ACYP2: variants seen among roughly 807,000 people sequenced by gnomAD.
The protein encoded by ACYP2 is acylphosphatase 2.
In ACYP2, 12 loss-of-function variants were observed where a neutral mutation model predicts 11.2. That is an observed-to-expected ratio of 1.08 (90% CI 0.69 to 1.74). The LOEUF (loss-of-function observed/expected upper bound fraction) is 1.74. ACYP2 is among the 40% of genes most tolerant of loss of function. The probability of loss-of-function intolerance (pLI) is 0.00; values close to 1 mark genes in which losing one functional copy is unlikely to be tolerated. For missense variants in ACYP2, 134 were observed against 101.9 expected (o/e 1.31, Z -1.35); for synonymous variants, 43 against 32.2 (o/e 1.33, Z -1.13).
At chr2:53,988,562 G>A (rs898895119) in intron 2 of ACYP2, among the ~76,000 whole-genome samples, 4 of 151,798 alleles carry the variant, frequency 2.6e-5, no homozygotes, top group African/African-American at 9.7e-5. Context: ...CACCATGCCT[G>A]GCTATATATA....
At chr2:54,043,322 G>A (rs1675346229) in intron 2 of ACYP2, among the ~76,000 whole-genome samples, 1 of 152,104 alleles carries the variant, frequency 6.6e-6, no homozygotes, top group Non-Finnish European at 1.5e-5. Flanking sequence ...CTCAACAGGG[G>A]CAGGACCACT....
intron 4 of ACYP2, among the ~76,000 whole-genome samples, chr2:54,072,778 G>C (rs1341971533): frequency 6.6e-6 from 1 of 151,924 alleles, no homozygotes; most frequent in Non-Finnish European, 1.5e-5. Flanking sequence ...GGCCAGGCTG[G>C]TCTTGAACTC....
chr2:54,271,820 G>C (rs1688318406), intron 6 of ACYP2, among the ~76,000 whole-genome samples: 1 of 152,014 alleles, frequency 6.6e-6, no homozygotes. Context: ...CCTAATTATA[G>C]TGAATTCACT....
intron 4 of ACYP2, among the ~76,000 whole-genome samples, chr2:54,105,808 A>G (rs568010300): frequency 6.6e-6 from 1 of 152,176 alleles, no homozygotes; most frequent in South Asian, 2.1e-4. Context: ...TTAATAAATA[A>G]AACATCACCT....
intron 6 of ACYP2, among the ~76,000 whole-genome samples, chr2:54,201,614 T>TTTC (rs1558608559): frequency 0.032 from 2,761 of 85,580 alleles, 96 homozygotes; most frequent in South Asian, 0.079. Flanking sequence ...CTTTCTTTCT[T>TTTC]TCTTTCTTTG....
chr2:53,997,454 C>T (rs369393464), intron 2 of ACYP2, among the ~76,000 whole-genome samples: 88 of 152,208 alleles, frequency 5.8e-4, no homozygotes, highest in African/African-American at 2.0e-3. Flanking sequence ...TATAGGCATG[C>T]ACCACCAAGC....
At chr2:54,048,534 G>A (rs1675648963) in intron 2 of ACYP2, among the ~76,000 whole-genome samples, 2 of 152,130 alleles carry the variant, frequency 1.3e-5, no homozygotes, top group South Asian at 4.1e-4. Flanking sequence ...AGAGATGACA[G>A]TCTTGCTCTG....
intron 6 of ACYP2, among the ~76,000 whole-genome samples, chr2:54,291,780 A>G (rs1485627051): frequency 6.6e-6 from 1 of 152,186 alleles, no homozygotes; most frequent in Non-Finnish European, 1.5e-5. Flanking sequence ...ATTCATAAAT[A>G]CAGTATTTTT....
chr2:53,981,102 A>G (rs1307753322), intron 2 of ACYP2, among the ~76,000 whole-genome samples: 1 of 152,064 alleles, frequency 6.6e-6, no homozygotes, highest in Non-Finnish European at 1.5e-5. Flanking sequence ...CACCTCTTCT[A>G]TGTTTAGATA....
intron 4 of ACYP2, among the ~76,000 whole-genome samples, chr2:54,071,145 A>G (rs1039494130): frequency 1.3e-5 from 2 of 152,200 alleles, no homozygotes; most frequent in African/African-American, 2.4e-5. Context: ...CTCAACTTAG[A>G]GAAAAACATC....
chr2:53,990,890 G>A (rs1191281033), intron 2 of ACYP2, among the ~76,000 whole-genome samples: 1 of 151,672 alleles, frequency 6.6e-6, no homozygotes, highest in Non-Finnish European at 1.5e-5. Flanking sequence ...TCCGCTTCCT[G>A]GGTTCACGCC....
At chr2:54,220,412 A>C (rs987475489) in intron 6 of ACYP2, among the ~76,000 whole-genome samples, 2 of 152,204 alleles carry the variant, frequency 1.3e-5, no homozygotes, top group Non-Finnish European at 2.9e-5. Flanking sequence ...TTAAATTTCA[A>C]TGCAGTTATG....
chr2:53,971,563 GGC>G (rs34073567), intron 1 of ACYP2, among the ~76,000 whole-genome samples: 5,687 of 152,300 alleles, frequency 0.037, 145 homozygotes, highest in Non-Finnish European at 0.058. Context: ...TTGTGTGTAA[GGC>G]GCTCAGTTTA....
chr2:54,025,041 A>T (rs1674205521), intron 2 of ACYP2, among the ~76,000 whole-genome samples: 1 of 152,168 alleles, frequency 6.6e-6, no homozygotes, highest in Non-Finnish European at 1.5e-5. Flanking sequence ...CTAACCATGG[A>T]GATGAAAGAC....
intron 6 of ACYP2, among the ~76,000 whole-genome samples, chr2:54,304,218 CTGTGTGTGTG>C (rs10531789): frequency 0.17 from 25,623 of 149,324 alleles, 2,448 homozygotes; most frequent in Non-Finnish European, 0.22. Context: ...ATATATATGT[CTGTGTGTGTG>C]TGTGTGTGTG....
chr2:54,072,811 C>T (rs1194179147), intron 4 of ACYP2, among the ~76,000 whole-genome samples: 1 of 152,072 alleles, frequency 6.6e-6, no homozygotes, highest in Non-Finnish European at 1.5e-5. Flanking sequence ...GATCTGCCTG[C>T]CTCAGCCTCC....
chr2:54,112,645 A>G (rs901281901), intron 4 of ACYP2, among the ~76,000 whole-genome samples: 45 of 152,256 alleles, frequency 3.0e-4, no homozygotes, highest in African/African-American at 9.9e-4. Flanking sequence ...GTGATTTATT[A>G]AAATATTCAT....
chr2:54,188,611 TCG>T (rs1558598439), intron 6 of ACYP2, among the ~76,000 whole-genome samples: 1 of 152,232 alleles, frequency 6.6e-6, no homozygotes, highest in Non-Finnish European at 1.5e-5. Flanking sequence ...GTAGTACTTT[TCG>T]TATTATAAGA....
chr2:54,216,535 C>CCT (rs35962804), intron 6 of ACYP2, among the ~76,000 whole-genome samples: 1 of 150,210 alleles, frequency 6.7e-6, no homozygotes, highest in Admixed American at 6.6e-5. Context: ...CTCCTAATCA[C>CCT]GTTTACATTT....
Sources: allele counts gnomAD v4.1 joint callset (sites outside exome capture counted in the v4.1 genomes callset), GRCh38; gene constraint gnomAD v4.1.1; transcripts MANE v1.5; gene names NCBI Gene and HGNC (gene_info 2026-07-23, HGNC 2026-07-21).